Variants in KMT2C observed in about 807,000 individuals in gnomAD.
KMT2C encodes the protein lysine methyltransferase 2C, also known as histone-lysine N-methyltransferase 2C.
In KMT2C, 88 loss-of-function variants were observed where a neutral mutation model predicts 507.9. That is an observed-to-expected ratio of 0.17 (90% CI 0.15 to 0.21). The LOEUF (loss-of-function observed/expected upper bound fraction) is 0.21. Ranked by LOEUF, KMT2C falls within the 10% of genes least tolerant of loss-of-function variation. The probability of loss-of-function intolerance (pLI) is 1.00; values close to 1 mark genes in which losing one functional copy is unlikely to be tolerated. For missense variants in KMT2C, 4,954 were observed against 5,957.8 expected, an observed-to-expected ratio of 0.83 and a Z score of 5.55; for synonymous variants, 2,049 against 2,080.8, an observed-to-expected ratio of 0.98 and a Z score of 0.42.
chr7:152,156,374 T>A (rs768958433), intron 44 of KMT2C, 28 bp from the exon 45 acceptor site: 1 of 1,612,320 alleles, frequency 6.2e-7, no homozygotes, highest in African/African-American at 1.3e-5. Flanking sequence ...ATTTAAATTA[T>A]ATGCTACTGA....
intron 1 of KMT2C, among the ~76,000 whole-genome samples, chr7:152,416,156 AGGCAG>A (rs894937787): frequency 2.6e-5 from 4 of 152,172 alleles, no homozygotes; most frequent in African/African-American, 9.7e-5. Context: ...TGGGAGGCCA[AGGCAG>A]GGGAGATCAC....
In KMT2C at chr7:152,222,073, CG is replaced by C; in HGVS notation, c.3434-8del. 1 of 1,537,370 alleles carries C rather than the reference CG, an allele frequency of 6.5e-7. No homozygotes were observed. Among genetic ancestry groups the C allele is most frequent in the Non-Finnish European group, 8.7e-7 (1 of 1,146,628 alleles). ...CAGCAGTCTGAGGAAGGCACTGAAA[CG>C]AAAAAAAAAAATCCAGGTAATTCTT... On this transcript the variant is annotated splice_polypyrimidine_tract_variant and splice_region_variant and intron_variant, in intron 21 of 58. Transcript: ENST00000262189.
In KMT2C at chr7:152,431,291, T is replaced by A. The variant is rs555458074; in HGVS notation, c.161+4335A>T. Among the ~76,000 whole-genome samples the A allele has an allele frequency of 2.8e-4, 42 of 151,546 alleles. No homozygotes were observed. In the South Asian group the frequency reaches 4.6e-3, roughly 16 times the overall value. ...TTTGTATAATAGACTAAAAATAACA[T>A]CTTCTCAAATATTAGAAATTCCCTG... On this transcript the variant is annotated intron_variant, in intron 1 of 58. Transcript: ENST00000262189.
intron 34 of KMT2C, among the ~76,000 whole-genome samples, chr7:152,184,999 T>C (rs1392613433): frequency 6.6e-6 from 1 of 152,198 alleles, no homozygotes; most frequent in Non-Finnish European, 1.5e-5. Flanking sequence ...CAAAGCCATC[T>C]GCCCACCTTG....
intron 23 of KMT2C, among the ~76,000 whole-genome samples, chr7:152,219,579 C>T (rs2094701537): frequency 6.7e-6 from 1 of 149,290 alleles, no homozygotes; most frequent in Admixed American, 6.7e-5. Context: ...GACACTGCCC[C>T]TTAAAAAAAA....
intron 1 of KMT2C, among the ~76,000 whole-genome samples, chr7:152,432,393 C>A (rs1166286490): frequency 1.3e-5 from 2 of 152,160 alleles, no homozygotes; most frequent in Non-Finnish European, 2.9e-5. Context: ...ATAATGAGAT[C>A]TTTAATATGT....
intron 52 of KMT2C, among the ~76,000 whole-genome samples, chr7:152,147,710 AAAAAAAAAAAAAAAAAAAG>A (rs2091259408): frequency 7.1e-6 from 1 of 141,476 alleles, no homozygotes; most frequent in East Asian, 2.2e-4. Flanking sequence ...TCCGTCTCAA[AAAAAAAAAAAAAAAAAAAG>A]AAAAAGAAAA....
At chr7:152,255,127 A>G (rs949970312) in intron 9 of KMT2C, among the ~76,000 whole-genome samples, 11 of 126,648 alleles carry the variant, frequency 8.7e-5, no homozygotes, top group Admixed American at 1.6e-4. Flanking sequence ...ATATATATAT[A>G]TATATATATA....
rs767924307 is a variant in KMT2C, at chr7:152,183,040, C to T, written c.5199G>A (p.Ser1733=). ...DSIDPSSRID[S]ELFKDPLKQR... is the part of the protein sequence containing the mutation. ...GCTTTAAAGGATCTTTAAAAAGCTCCGAATCAATACGAGAGCTGGGATCAA... is the reference window on the plus strand; with the variant it reads ...GCTTTAAAGGATCTTTAAAAAGCTCTGAATCAATACGAGAGCTGGGATCAA... Residue 1733 remains serine (S), a synonymous_variant, in exon 35 of 59, where the codon TCG becomes TCA. Coordinates refer to ENST00000262189, the MANE Select transcript of KMT2C (RefSeq NM_170606.3). 15 of 1,611,344 alleles carry T rather than the reference C, an allele frequency of 9.3e-6. No homozygotes were observed. The highest frequency in any genetic ancestry group is 2.2e-5 in the South Asian group (2 of 90,366).
intron 1 of KMT2C, among the ~76,000 whole-genome samples, chr7:152,392,818 GAAC>G (rs2097509646): frequency 2.0e-5 from 3 of 152,298 alleles, no homozygotes; most frequent in South Asian, 2.1e-4. Context: ...TGAAATTAAA[GAAC>G]AATAATACAA....
rs981981044 is a variant in KMT2C, at chr7:152,290,532, G to A, written c.850-16665C>T. 2.7e-5 allele frequency among the ~76,000 whole-genome samples: 4 copies of A among 150,932 alleles called. No individual in the cohort carries two copies. In the East Asian group the frequency reaches 7.8e-4, roughly 30 times the overall value. On this transcript the variant is annotated intron_variant, in intron 6 of 58. Transcript: ENST00000262189. ...ACAATCTTGGCCATGCTGGTCTTGA[G>A]CTCCTGACCTCGTGATCCACCCGCT...
At chr7:152,141,746 C>A (rs997226124) in intron 55 of KMT2C, among the ~76,000 whole-genome samples, 1 of 149,422 alleles carries the variant, frequency 6.7e-6, no homozygotes, top group Non-Finnish European at 1.5e-5. Flanking sequence ...ATGCCAGCCA[C>A]GGGGGCTCAT....
intron 40 of KMT2C, 43 bp from the exon 41 acceptor site, chr7:152,169,292 A>C: frequency 9.2e-7 from 1 of 1,089,588 alleles, no homozygotes; most frequent in South Asian, 1.4e-5. Flanking sequence ...TCCACATTTC[A>C]GTTAAAGGGG....
chr7:152,428,101 A>C (rs1589985676), intron 1 of KMT2C, among the ~76,000 whole-genome samples: 2 of 152,210 alleles, frequency 1.3e-5, no homozygotes, highest in East Asian at 3.8e-4. Context: ...AATGCTAAAC[A>C]GAATACAAAG....
chr7:152,384,558 C>CCACCACT (rs2097403939), intron 1 of KMT2C, among the ~76,000 whole-genome samples: 2 of 78,988 alleles, frequency 2.5e-5, no homozygotes, highest in African/African-American at 1.3e-4. Flanking sequence ...ACACCACCAC[C>CCACCACT]ACCACCACCA....
intron 20 of KMT2C, among the ~76,000 whole-genome samples, chr7:152,223,147 G>A (rs1361061940): frequency 1.3e-5 from 2 of 152,110 alleles, no homozygotes; most frequent in Non-Finnish European, 2.9e-5. Flanking sequence ...ATAATTAGTA[G>A]CCAGAGTCCC....
intron 1 of KMT2C, among the ~76,000 whole-genome samples, chr7:152,425,036 G>A (rs926785596): frequency 6.6e-6 from 1 of 152,192 alleles, no homozygotes; most frequent in Admixed American, 6.5e-5. Context: ...GATACAAAGA[G>A]AGATGACTAT....
chr7:152,297,051 A>C (rs187649009), intron 6 of KMT2C, among the ~76,000 whole-genome samples: 3,777 of 59,808 alleles, frequency 0.063, 124 homozygotes, highest in African/African-American at 0.12. Flanking sequence ...GAAAGAAAGA[A>C]AGACAGAGAG....
chr7:152,314,114 T>G (rs1245706583), intron 4 of KMT2C, among the ~76,000 whole-genome samples: 2 of 152,130 alleles, frequency 1.3e-5, no homozygotes, highest in African/African-American at 4.8e-5. Flanking sequence ...AATATAGTAC[T>G]TCTAAGTTTC....
Sources: gnomAD v4.1 joint callset for allele counts (sites outside exome capture counted in the v4.1 genomes callset) on GRCh38, gnomAD v4.1.1 for gene constraint, MANE v1.5 for transcripts, NCBI Gene and HGNC (gene_info 2026-07-23, HGNC 2026-07-21) for gene names.